Variants in CNTN4 observed in about 807,000 individuals in gnomAD.
CNTN4 encodes contactin 4, also known as contactin-4.
CNTN4 carries 77 observed loss-of-function variants against 122.5 expected under a neutral mutation model. The ratio of observed to expected loss-of-function variants is 0.63; its 90% CI spans 0.52 to 0.76. The LOEUF (loss-of-function observed/expected upper bound fraction) is 0.76. Among genes scored for constraint, CNTN4 ranks in the 30% least tolerant of loss-of-function variants. The pLI, the probability that CNTN4 is intolerant of heterozygous loss-of-function variation, is 0.00. For synonymous variants in CNTN4, 512 were observed against 447.0 expected, an observed-to-expected ratio of 1.15 and a Z score of -1.83; for missense variants, 1,256 against 1,259.1, an observed-to-expected ratio of 1.00 and a Z score of 0.04.
In CNTN4 at chr3:2,879,282, T is replaced by C. The variant is rs946316119; in HGVS notation, c.653-3863T>C. On this transcript the variant is annotated intron_variant, in intron 8 of 24. Transcript: ENST00000418658. The stretch of plus-strand genomic sequence containing the variant: ...CCAATGAATGCCAAGGATTGACAGC[T>C]ACCACCAGAAGGTAGGAAGGATTCT... Among the ~76,000 whole-genome samples, 28 of 152,292 alleles carry C rather than the reference T, an allele frequency of 1.8e-4. 5 individuals carry two copies. The South Asian group carries it at 1.9e-3, about 10-fold the overall frequency.
intron 2 of CNTN4, among the ~76,000 whole-genome samples, chr3:2,163,866 G>A (rs1376997427): frequency 1.3e-5 from 2 of 152,160 alleles, no homozygotes; most frequent in Non-Finnish European, 2.9e-5. Context: ...CCTGAAAGTG[G>A]TGAAAAGGTA....
At chr3:2,397,709 G>T (rs2046691532) in intron 3 of CNTN4, among the ~76,000 whole-genome samples, 1 of 152,132 alleles carries the variant, frequency 6.6e-6, no homozygotes, top group Non-Finnish European at 1.5e-5. Flanking sequence ...AGAAATATAT[G>T]TTGGAGTTAG....
intron 9 of CNTN4, among the ~76,000 whole-genome samples, chr3:2,883,582 T>A (rs2093937001): frequency 6.6e-6 from 1 of 152,222 alleles, no homozygotes; most frequent in Non-Finnish European, 1.5e-5. Flanking sequence ...CCACTTGAGG[T>A]ACAGTTAAGC....
At chr3:2,230,075 C>G (rs2039428099) in intron 2 of CNTN4, among the ~76,000 whole-genome samples, 1 of 152,192 alleles carries the variant, frequency 6.6e-6, no homozygotes, top group South Asian at 2.1e-4. Context: ...GATCCCTACT[C>G]TATTTACTTG....
intron 2 of CNTN4, among the ~76,000 whole-genome samples, chr3:2,269,856 T>C (rs989344803): frequency 2.6e-5 from 4 of 152,150 alleles, no homozygotes; most frequent in African/African-American, 9.7e-5. Context: ...CATTCAGGAC[T>C]AGTAGTTGCC....
intron 3 of CNTN4, among the ~76,000 whole-genome samples, chr3:2,468,177 T>C (rs933109482): frequency 2.6e-5 from 4 of 152,192 alleles, no homozygotes; most frequent in Admixed American, 2.0e-4. Flanking sequence ...AATTTTCTTA[T>C]TAAATGTAAT....
intron 2 of CNTN4, among the ~76,000 whole-genome samples, chr3:2,116,375 TA>T (rs1346322844): frequency 6.6e-6 from 1 of 152,120 alleles, no homozygotes; most frequent in East Asian, 1.9e-4. Context: ...TTTATGGGAC[TA>T]AATATAAACT....
At chr3:2,442,535 T>C (rs1004363910) in intron 3 of CNTN4, among the ~76,000 whole-genome samples, 1 of 152,156 alleles carries the variant, frequency 6.6e-6, no homozygotes, top group African/African-American at 2.4e-5. Flanking sequence ...TATCCTATGT[T>C]CCTTAAATAT....
intron 2 of CNTN4, among the ~76,000 whole-genome samples, chr3:2,120,976 G>A (rs762928669): frequency 1.3e-5 from 2 of 152,138 alleles, no homozygotes; most frequent in Non-Finnish European, 2.9e-5. Flanking sequence ...ATCAGAGAGA[G>A]TTAGTATGAG....
chr3:2,946,186 T>C (rs1281237591), intron 13 of CNTN4, among the ~76,000 whole-genome samples: 1 of 152,116 alleles, frequency 6.6e-6, no homozygotes, highest in Non-Finnish European at 1.5e-5. Context: ...AATGGTTCAT[T>C]GCACACTGAT....
intron 3 of CNTN4, among the ~76,000 whole-genome samples, chr3:2,564,592 C>T (rs546943291): frequency 1.4e-4 from 22 of 152,174 alleles, no homozygotes; most frequent in African/African-American, 5.3e-4. Context: ...GGCCCAGTCC[C>T]GTCTTCTATT....
At chr3:2,909,918 G>A (rs1012332047) in intron 12 of CNTN4, among the ~76,000 whole-genome samples, 14 of 152,154 alleles carry the variant, frequency 9.2e-5, no homozygotes, top group African/African-American at 3.1e-4. Flanking sequence ...TAGGAAATCT[G>A]TCCTACACAG....
chr3:2,464,220 C>G (rs889893456), intron 3 of CNTN4, among the ~76,000 whole-genome samples: 4 of 152,178 alleles, frequency 2.6e-5, no homozygotes. Flanking sequence ...CCAAACATAA[C>G]ACACTACTGG....
intron 2 of CNTN4, among the ~76,000 whole-genome samples, chr3:2,331,686 T>G (rs989436158): frequency 6.6e-5 from 10 of 152,064 alleles, no homozygotes; most frequent in Non-Finnish European, 5.9e-5. Flanking sequence ...AACAGGGAGA[T>G]TCATTCCTTG....
At chr3:2,675,088 A>T (rs948263445) in intron 4 of CNTN4, among the ~76,000 whole-genome samples, 1 of 152,234 alleles carries the variant, frequency 6.6e-6, no homozygotes, top group South Asian at 2.1e-4. Context: ...TACAGCAAAG[A>T]AAACAATCAG....
At chr3:2,775,154 T>C (rs2091265270) in intron 6 of CNTN4, among the ~76,000 whole-genome samples, 1 of 152,226 alleles carries the variant, frequency 6.6e-6, no homozygotes, top group Admixed American at 6.5e-5. Context: ...CTTTGTACAG[T>C]GACTGTAACA....
chr3:2,994,860 T>A (rs190641473), intron 14 of CNTN4, among the ~76,000 whole-genome samples: 1 of 152,110 alleles, frequency 6.6e-6, no homozygotes, highest in African/African-American at 2.4e-5. Flanking sequence ...AGGGGATCAA[T>A]CAGAAATCAG....
chr3:3,026,322 C>T, intron 15 of CNTN4, 45 bp downstream of exon 15: 1 of 1,482,634 alleles, frequency 6.7e-7, no homozygotes, highest in Admixed American at 1.7e-5. Flanking sequence ...CTTGTTTAGA[C>T]CAACTTAACA....
At chr3:3,036,623 C>A (rs932534293) in intron 17 of CNTN4, among the ~76,000 whole-genome samples, 1 of 148,448 alleles carries the variant, frequency 6.7e-6, no homozygotes, top group Non-Finnish European at 1.5e-5. Flanking sequence ...AAAAAATAGA[C>A]AGGCATAGTG....
Sources: allele counts gnomAD v4.1 joint callset (sites outside exome capture counted in the v4.1 genomes callset), GRCh38; gene constraint gnomAD v4.1.1; transcripts MANE v1.5; gene names NCBI Gene and HGNC (gene_info 2026-07-23, HGNC 2026-07-21).